ATL3: variants seen among roughly 807,000 people sequenced by gnomAD.
ATL3 encodes the protein atlastin-3.
In ATL3, 49 loss-of-function variants were observed where a neutral mutation model predicts 69.5. The ratio of observed to expected loss-of-function variants is 0.71; its 90% CI spans 0.56 to 0.89. The LOEUF is 0.89. Ranked by LOEUF, ATL3 falls within the 40% of genes least tolerant of loss-of-function variation. The pLI is 0.00. For synonymous variants in ATL3, 214 were observed against 224.1 expected (o/e 0.95, Z 0.40); for missense variants, 606 against 645.7 (o/e 0.94, Z 0.67).
In ATL3 at chr11:63,630,448, A is replaced by G. The variant is rs11231541; in HGVS notation, c.1539+592T>C. 3.6e-3 allele frequency among the ~76,000 whole-genome samples: 480 copies of G among 133,110 alleles called. 23 individuals are homozygous for G. The highest frequency in any genetic ancestry group is 6.5e-3 in the East Asian group (26 of 4,000). 87.3% of individuals were successfully genotyped at this position (133,110 alleles called of 152,430 possible). A position where few individuals can be genotyped will look rare whatever the true frequency, so the allele number is the denominator to read the frequency against. On this transcript the variant is annotated intron_variant, in intron 12 of 12. Coordinates refer to ENST00000398868, the MANE Select transcript of ATL3 (RefSeq NM_015459.5). ...TCTCAAAAAAAAAAAAAAAAAAAAA[A>G]GTTGCCAAAGGGGAACACAATCAGT... is the stretch of plus-strand genomic sequence containing the variant.
chr11:63,624,491 T>C lies in ATL3; in HGVS notation c.*4828A>G, dbSNP rs997676820. ...CCCTAGATCTGTTTTGCAAAGTTTC[T>C]GATATGGGGTACTTAGGTCACTAAT... On this transcript the variant is annotated 3_prime_UTR_variant, in exon 13 of 13. Transcript: ENST00000398868. The C allele has an allele frequency of 2.6e-5, 4 of 152,206 alleles. No homozygotes were observed. Among genetic ancestry groups the C allele is most frequent in the Non-Finnish European group, 5.9e-5 (4 of 68,030 alleles). 9.4% of individuals were successfully genotyped at this position (152,206 alleles called of 1,614,324 possible). A position where few individuals can be genotyped will look rare whatever the true frequency, so the allele number is the denominator to read the frequency against.
At position 63,627,121 on chromosome 11, in the gene ATL3, C is replaced by T. The variant is rs1411216260; in HGVS notation, c.*2198G>A. The T allele has an allele frequency of 6.6e-6, 1 of 151,150 alleles. No homozygotes were observed. Among genetic ancestry groups the T allele is most frequent in the Non-Finnish European group, 1.5e-5 (1 of 67,522 alleles). The allele number at this position is 151,150 out of a possible 1,614,324, so 9.4% of individuals were successfully genotyped here. A position where few individuals can be genotyped will look rare whatever the true frequency, so the allele number is the denominator to read the frequency against. On this transcript the variant is annotated 3_prime_UTR_variant, in exon 13 of 13. Coordinates refer to ENST00000398868, the MANE Select transcript of ATL3 (RefSeq NM_015459.5). ...TTAGTATGAGTTTTCGACACATCAC[C>T]CCTTCTTACCATTAAATTTTTTAAG...
At chr11:63,636,102 C>T in intron 9 of ATL3, 105 bp downstream of exon 9, 1 of 1,456,654 alleles carries the variant, frequency 6.9e-7, no homozygotes. Flanking sequence ...CACCATCTCC[C>T]CCAGAAAATT....
At chr11:63,633,496 C>A (rs1939396424) in intron 10 of ATL3, among the ~76,000 whole-genome samples, 1 of 151,940 alleles carries the variant, frequency 6.6e-6, no homozygotes, top group South Asian at 2.1e-4. Flanking sequence ...ACCTTCGCCT[C>A]CTGAATGCAA....
rs1302436422 is a variant in ATL3, at chr11:63,636,229, C to T, written c.956G>A (p.Arg319Gln). ...KEINGSKVTC[R>Q]GLLEYFKAYI... ...TACCTTAAAATACTCCAGTAGTCCC[C>T]GACAGGTGACCTTTGAGCCATTGAT... The change falls in exon 9 of 13, where the codon CGG becomes CAG. Residue 319 changes from arginine (R) to glutamine (Q), a missense_variant. Physicochemically the swap from Arg to Gln is conservative, Grantham distance 43. Coordinates refer to ENST00000398868, the MANE Select transcript of ATL3 (RefSeq NM_015459.5). 12 of 1,613,926 alleles carry T rather than the reference C, an allele frequency of 7.4e-6. No homozygotes were observed. Among genetic ancestry groups the T allele is most frequent in the East Asian group, 6.7e-5 (3 of 44,884 alleles).
At position 63,631,381 on chromosome 11, in the gene ATL3, TC is replaced by T. The variant is rs1277086081; in HGVS notation, c.1197del (p.Lys400ArgfsTer53). Reference sequence around the variant, plus strand: ...TCCTTCCCACCCATCTTCTTGGTCTTCTTAAAATGGTCCAGAGCAAGTTGTT... The same window carrying T: ...TCCTTCCCACCCATCTTCTTGGTCTTTTAAAATGGTCCAGAGCAAGTTGTT... ...EFKQLALDHF[K>X]KTKKMGGKDF... is the part of the protein sequence containing the mutation. On this transcript the variant is annotated frameshift_variant, in exon 12 of 13. Transcript: ENST00000398868. LOFTEE classifies it high-confidence loss of function. 5 of 1,614,194 alleles carry T rather than the reference TC, an allele frequency of 3.1e-6. No homozygotes were observed. Among genetic ancestry groups the T allele is most frequent in the Non-Finnish European group, 3.4e-6 (4 of 1,180,042 alleles).
At chr11:63,671,190 G>T in intron 1 of ATL3, 100 bp downstream of exon 1, 1 of 1,451,216 alleles carries the variant, frequency 6.9e-7, no homozygotes, top group East Asian at 2.9e-5. Context: ...GCCCCGGGAC[G>T]AGGAAGGGCG....
chr11:63,669,542 G>GA (rs959971537), intron 1 of ATL3, among the ~76,000 whole-genome samples: 3 of 149,678 alleles, frequency 2.0e-5, no homozygotes, highest in Admixed American at 6.7e-5. Flanking sequence ...CTCACCAGAA[G>GA]AAAAAAAAAG....
At chr11:63,645,726 G>A (rs1459171554) in intron 6 of ATL3, among the ~76,000 whole-genome samples, 1 of 151,870 alleles carries the variant, frequency 6.6e-6, no homozygotes, top group Admixed American at 6.6e-5. Flanking sequence ...CGAGTAGCTG[G>A]GACTACAGGC....
chr11:63,644,961 A>AG (rs1939820370), intron 6 of ATL3, among the ~76,000 whole-genome samples: 1 of 152,128 alleles, frequency 6.6e-6, no homozygotes, highest in Non-Finnish European at 1.5e-5. Flanking sequence ...TCACGCCTGT[A>AG]TCCCAGCTAC....
At chr11:63,645,408 A>T (rs78782323) in intron 6 of ATL3, among the ~76,000 whole-genome samples, 16,614 of 152,106 alleles carry the variant, frequency 0.11, 1,063 homozygotes, top group Middle Eastern at 0.17. Flanking sequence ...TCAAAAAAAA[A>T]AAATAAATTA....
At chr11:63,670,116 T>G (rs1392792698) in intron 1 of ATL3, among the ~76,000 whole-genome samples, 1 of 151,922 alleles carries the variant, frequency 6.6e-6, no homozygotes, top group Non-Finnish European at 1.5e-5. Context: ...CAAAAAATAA[T>G]AATAAAACAA....
In ATL3 at chr11:63,671,374, G is replaced by C; in HGVS notation, c.-39C>G. 2 of 1,559,704 alleles carry C rather than the reference G, an allele frequency of 1.3e-6. No homozygotes were observed. Among genetic ancestry groups the C allele is most frequent in the Non-Finnish European group, 1.7e-6 (2 of 1,156,676 alleles). On this transcript the variant is annotated 5_prime_UTR_variant, in exon 1 of 13. Coordinates refer to ENST00000398868, the MANE Select transcript of ATL3 (RefSeq NM_015459.5). Reference sequence around the variant, plus strand: ...TCAAAGCAGAAGCAGCAGGGGTGCAGAGGAGAGGGACGGGTGCGGGCGGGA... The same window carrying C: ...TCAAAGCAGAAGCAGCAGGGGTGCACAGGAGAGGGACGGGTGCGGGCGGGA...
intron 1 of ATL3, among the ~76,000 whole-genome samples, chr11:63,664,348 G>A (rs1259196496): frequency 6.6e-6 from 1 of 151,986 alleles, no homozygotes; most frequent in Non-Finnish European, 1.5e-5. Context: ...AGACCACCCT[G>A]GCCAACATGG....
intron 3 of ATL3, among the ~76,000 whole-genome samples, chr11:63,658,273 C>A (rs1164816686): frequency 6.6e-6 from 1 of 151,998 alleles, no homozygotes; most frequent in Non-Finnish European, 1.5e-5. Flanking sequence ...ATACACACAC[C>A]CACAAAAATA....
At chr11:63,636,165 T>C (rs2134472876) in intron 9 of ATL3, 42 bp downstream of exon 9, 1 of 1,589,974 alleles carries the variant, frequency 6.3e-7, no homozygotes, top group Non-Finnish European at 8.5e-7. Flanking sequence ...AGATCAGCTT[T>C]ACCAAAAATC....
chr11:63,656,390 T>G (rs1940248948), intron 3 of ATL3, among the ~76,000 whole-genome samples: 1 of 151,728 alleles, frequency 6.6e-6, no homozygotes, highest in African/African-American at 2.4e-5. Flanking sequence ...AAAAGACAGA[T>G]TAGGTACAAA....
In ATL3 at chr11:63,636,254, T is replaced by A; in HGVS notation, c.931A>T (p.Ile311Phe). 1 of 1,614,100 alleles carries A rather than the reference T, an allele frequency of 6.2e-7. No individual in the cohort carries two copies. Among genetic ancestry groups the A allele is most frequent in the Non-Finnish European group, 8.5e-7 (1 of 1,180,006 alleles). Residue 311 changes from isoleucine to phenylalanine, a missense_variant, in exon 9 of 13, where the codon ATC becomes TTC. Physicochemically the swap from Ile to Phe is conservative, Grantham distance 21 (BLOSUM62 0). Transcript: ENST00000398868. ...CGACAGGTGACCTTTGAGCCATTGA[T>A]CTCCTTTTCCATTAACTTAGATGGG... ...LNPSKLMEKE[I>F]NGSKVTCRGL... is the part of the protein sequence containing the mutation.
In ATL3 at chr11:63,659,266, G is replaced by C; in HGVS notation, c.47-14C>G. On this transcript the variant is annotated splice_polypyrimidine_tract_variant and intron_variant, in intron 1 of 12. Transcript: ENST00000398868. ...CCATGGCATCATCTATGTTCATGCA[G>C]AGAAAAAAAATCAGTGTCAAATATT... is the stretch of plus-strand genomic sequence containing the variant. 1 of 1,605,276 alleles carries C rather than the reference G, an allele frequency of 6.2e-7. No individual in the cohort carries two copies.
Sources: gnomAD v4.1 joint callset for allele counts (sites outside exome capture counted in the v4.1 genomes callset) on GRCh38, gnomAD v4.1.1 for gene constraint, MANE v1.5 for transcripts, NCBI Gene and HGNC (gene_info 2026-07-23, HGNC 2026-07-21) for gene names.